GNB4: variants seen among roughly 807,000 people sequenced by gnomAD.
GNB4 encodes the protein guanine nucleotide-binding protein subunit beta-4.
A neutral mutation model predicts 45.2 loss-of-function variants in GNB4; 28 were observed. That is an observed-to-expected ratio of 0.62 (90% CI 0.46 to 0.85). The LOEUF (loss-of-function observed/expected upper bound fraction) is 0.85. GNB4 is among the 40% of genes least tolerant of loss of function. The probability of loss-of-function intolerance (pLI) is 0.00; values close to 1 mark genes in which losing one functional copy is unlikely to be tolerated. For synonymous variants in GNB4, 132 were observed against 143.7 expected (o/e 0.92, Z 0.58); for missense variants, 321 against 425.4 (o/e 0.75, Z 2.16).
At chr3:179,407,523 C>T (rs1189042928) in intron 8 of GNB4, among the ~76,000 whole-genome samples, 1 of 152,072 alleles carries the variant, frequency 6.6e-6, no homozygotes, top group African/African-American at 2.4e-5. Flanking sequence ...ACCTTACTAC[C>T]ATCTTACTAT....
the GNB4 span, among the ~76,000 whole-genome samples, chr3:179,517,965 C>T: frequency 1.1e-4 from 16 of 151,986 alleles, no homozygotes; most frequent in African/African-American, 3.9e-4. Flanking sequence ...GGGCAAGAAC[C>T]CTCTGACCCC....
At chr3:179,468,035 A>AAAAAAAAAATATATATATATATATAT in the GNB4 span, among the ~76,000 whole-genome samples, 678 of 89,810 alleles carry the variant, frequency 7.5e-3, 36 homozygotes, top group African/African-American at 0.026. Context: ...TGTTGATAAA[A>AAAAAAAAAATATATATATATATATAT]ATATATATAT....
chr3:179,401,955 A>G (rs1374856252), intron 9 of GNB4, among the ~76,000 whole-genome samples: 2 of 152,228 alleles, frequency 1.3e-5, no homozygotes, highest in Non-Finnish European at 2.9e-5. Context: ...CAAGAAATAC[A>G]GTAAGATTAA....
chr3:179,416,803 G>GT (rs1206005910), intron 4 of GNB4, among the ~76,000 whole-genome samples: 1 of 152,066 alleles, frequency 6.6e-6, no homozygotes, highest in Non-Finnish European at 1.5e-5. Context: ...CATTTTTGTG[G>GT]TAACAACATC....
chr3:179,508,956 A>ATATATATATATATATG, the GNB4 span, among the ~76,000 whole-genome samples: 2 of 145,362 alleles, frequency 1.4e-5, no homozygotes, highest in African/African-American at 2.6e-5. Flanking sequence ...ATATATATAT[A>ATATATATATATATATG]GTCCCTGTAA....
chr3:179,507,497 T>C, the GNB4 span, among the ~76,000 whole-genome samples: 1 of 152,168 alleles, frequency 6.6e-6, no homozygotes, highest in Non-Finnish European at 1.5e-5. Flanking sequence ...TTCATTGTCA[T>C]CAGGTCTCTG....
intron 1 of GNB4, among the ~76,000 whole-genome samples, chr3:179,436,249 T>A (rs532056505): frequency 1.0e-3 from 159 of 152,022 alleles, no homozygotes; most frequent in Non-Finnish European, 1.9e-3. Context: ...AAATACAAAA[T>A]TAGCCAGGCG....
chr3:179,430,439 A>G (rs771772173), intron 1 of GNB4, among the ~76,000 whole-genome samples: 7 of 151,646 alleles, frequency 4.6e-5, no homozygotes, highest in Non-Finnish European at 1.0e-4. Flanking sequence ...GTTTGGGCCA[A>G]TTCCTCCACT....
chr3:179,430,062 A>T (rs1467314945), intron 1 of GNB4, among the ~76,000 whole-genome samples: 2 of 108,626 alleles, frequency 1.8e-5, no homozygotes, highest in Non-Finnish European at 3.8e-5. Context: ...TGTGTGTGTG[A>T]CTGAGAGAGA....
the GNB4 span, among the ~76,000 whole-genome samples, chr3:179,502,550 A>T: frequency 6.6e-6 from 1 of 151,796 alleles, no homozygotes; most frequent in African/African-American, 2.4e-5. Flanking sequence ...AGCTACTTTT[A>T]TGTTTTGGTT....
chr3:179,450,622 T>C (rs1349856798), intron 1 of GNB4, among the ~76,000 whole-genome samples: 1 of 152,144 alleles, frequency 6.6e-6, no homozygotes, highest in Non-Finnish European at 1.5e-5. Context: ...AATAACAAAG[T>C]ATTGCTTGTA....
the GNB4 span, among the ~76,000 whole-genome samples, chr3:179,484,143 T>C: frequency 6.6e-6 from 1 of 152,230 alleles, no homozygotes; most frequent in Non-Finnish European, 1.5e-5. Context: ...AATGAGTACG[T>C]ATCAATAGTA....
the GNB4 span, chr3:179,465,077 A>G: frequency 2.1e-6 from 3 of 1,463,044 alleles, no homozygotes; most frequent in South Asian, 3.4e-5. Context: ...GAAACATACA[A>G]TTCTTGCAGA....
chr3:179,464,545 G>C, the GNB4 span: 1 of 1,579,806 alleles, frequency 6.3e-7, no homozygotes, highest in Admixed American at 1.7e-5. Context: ...GGCGACAAAC[G>C]GCCACACCTG....
At chr3:179,461,641 G>C in the GNB4 span, among the ~76,000 whole-genome samples, 1 of 152,144 alleles carries the variant, frequency 6.6e-6, no homozygotes, top group Non-Finnish European at 1.5e-5. Context: ...ATCAGACCTA[G>C]CTTTTCAAAA....
intron 1 of GNB4, among the ~76,000 whole-genome samples, chr3:179,447,647 T>C (rs1340350678): frequency 6.6e-6 from 1 of 152,156 alleles, no homozygotes; most frequent in Non-Finnish European, 1.5e-5. Flanking sequence ...GTTGGGGGGC[T>C]CCTGCAGTCA....
At chr3:179,488,588 A>G in the GNB4 span, among the ~76,000 whole-genome samples, 1 of 152,276 alleles carries the variant, frequency 6.6e-6, no homozygotes, top group Non-Finnish European at 1.5e-5. Context: ...GAAGTTGACA[A>G]TAGGAACAAT....
At chr3:179,509,956 T>C in the GNB4 span, among the ~76,000 whole-genome samples, 1 of 152,120 alleles carries the variant, frequency 6.6e-6, no homozygotes, top group Non-Finnish European at 1.5e-5. Flanking sequence ...CCCAAGTAGC[T>C]TGGACGCCAA....
rs1269691124 is a variant in GNB4 at position 179,400,220 on chromosome 3, T to C, written c.*993A>G. The stretch of plus-strand genomic sequence containing the variant: ...TGCAAACATGAAATAAACCACCGTA[T>C]TACAACAAATATGTGCTAGCGATTG... On this transcript the variant is annotated 3_prime_UTR_variant, in exon 10 of 10. Coordinates refer to ENST00000232564, the MANE Select transcript of GNB4 (RefSeq NM_021629.4). 1 of 152,246 alleles carries C rather than the reference T, an allele frequency of 6.6e-6. No individual in the cohort carries two copies. The highest frequency in any genetic ancestry group is 2.4e-5 in the African/African-American group (1 of 41,458). 9.4% of individuals were successfully genotyped at this position (152,246 alleles called of 1,614,324 possible). A position where few individuals can be genotyped will look rare whatever the true frequency, so the allele number is the denominator to read the frequency against.
Sources: gnomAD v4.1 joint callset for allele counts (sites outside exome capture counted in the v4.1 genomes callset) on GRCh38, gnomAD v4.1.1 for gene constraint, MANE v1.5 for transcripts, NCBI Gene and HGNC (gene_info 2026-07-23, HGNC 2026-07-21) for gene names.